MMP26: variants seen among roughly 807,000 people sequenced by gnomAD.
MMP26 encodes the protein matrix metalloproteinase-26.
MMP26 carries 33 observed loss-of-function variants against 31.0 expected under a neutral mutation model. The ratio of observed to expected loss-of-function variants is 1.06; its 90% CI spans 0.81 to 1.42. MMP26 has a LOEUF of 1.42. MMP26 is among the 40% of genes most tolerant of loss of function. The pLI, the probability that MMP26 is intolerant of heterozygous loss-of-function variation, is 0.00. For missense variants in MMP26, 347 were observed against 316.1 expected, an observed-to-expected ratio of 1.10 and a Z score of -0.74; for synonymous variants, 122 against 114.9, an observed-to-expected ratio of 1.06 and a Z score of -0.40.
intron 2 of MMP26, among the ~76,000 whole-genome samples, chr11:4,968,729 G>A (rs1201194604): frequency 6.6e-6 from 1 of 151,864 alleles, no homozygotes; most frequent in Non-Finnish European, 1.5e-5. Flanking sequence ...TCTTGCATCT[G>A]TATAATTTTG....
intron 2 of MMP26, among the ~76,000 whole-genome samples, chr11:4,927,160 C>T (rs1483377842): frequency 1.3e-5 from 2 of 152,166 alleles, no homozygotes; most frequent in African/African-American, 4.8e-5. Context: ...CTCTGACTCC[C>T]TCTGGCTCCT....
At chr11:4,784,245 GAC>G (rs1165881711) in intron 2 of MMP26, among the ~76,000 whole-genome samples, 1 of 152,182 alleles carries the variant, frequency 6.6e-6, no homozygotes, top group African/African-American at 2.4e-5. Flanking sequence ...GCTTTTCCAT[GAC>G]ACAGCTTGGT....
chr11:4,810,001 G>A (rs1404507305), intron 2 of MMP26, among the ~76,000 whole-genome samples: 1 of 152,132 alleles, frequency 6.6e-6, no homozygotes, highest in Non-Finnish European at 1.5e-5. Context: ...TATTTAAAGG[G>A]TTATGTCTGG....
intron 2 of MMP26, among the ~76,000 whole-genome samples, chr11:4,933,180 A>G (rs1370675883): frequency 1.3e-5 from 2 of 152,024 alleles, no homozygotes; most frequent in Admixed American, 6.6e-5. Flanking sequence ...AAAGGTGACA[A>G]TGTGTGTGTA....
At chr11:4,802,099 A>G (rs920777309) in intron 2 of MMP26, among the ~76,000 whole-genome samples, 1 of 152,216 alleles carries the variant, frequency 6.6e-6, no homozygotes, top group African/African-American at 2.4e-5. Flanking sequence ...GTTATAATGA[A>G]GTTAGTCATC....
At chr11:4,871,872 G>C (rs1850315329) in intron 2 of MMP26, 1 of 152,098 alleles carries the variant, frequency 6.6e-6, no homozygotes, top group Admixed American at 6.6e-5. Flanking sequence ...AGGTGGAGGA[G>C]ATTGCGTGTT....
Position 4,840,082 on chromosome 11 carries a change from G to T in MMP26, c.-145+72741G>T, listed in dbSNP as rs77181871. Among the ~76,000 whole-genome samples the T allele has an allele frequency of 3.4e-3, 521 of 152,204 alleles. 4 individuals carry two copies. The highest frequency in any genetic ancestry group is 1.0e-2 in the African/African-American group (414 of 41,556). ...AGTGGCAGGTGGCTACAGGATGAGG[G>T]TCCTTTGCCTTTGAAAAGTGGAGGG... On this transcript the variant is annotated intron_variant, in intron 2 of 7. Transcript: ENST00000380390.
chr11:4,838,409 G>GTAAAC (rs1343761042), intron 2 of MMP26, among the ~76,000 whole-genome samples: 1 of 127,920 alleles, frequency 7.8e-6, no homozygotes, highest in Non-Finnish European at 1.6e-5. Context: ...CAACAAACAT[G>GTAAAC]TAAACTTTTA....
At chr11:4,930,423 G>A (rs1034295006) in intron 2 of MMP26, among the ~76,000 whole-genome samples, 1 of 152,066 alleles carries the variant, frequency 6.6e-6, no homozygotes, top group African/African-American at 2.4e-5. Flanking sequence ...TAGTGTCAGT[G>A]CTTACCCCTT....
At chr11:4,801,480 AG>A (rs1026059338) in intron 2 of MMP26, among the ~76,000 whole-genome samples, 3 of 151,550 alleles carry the variant, frequency 2.0e-5, no homozygotes, top group African/African-American at 7.3e-5. Flanking sequence ...GAGAGAGAGA[AG>A]GGGGAGGGGG....
chr11:4,759,953 A>T (rs2133409682), intron 1 of MMP26, among the ~76,000 whole-genome samples: 1 of 152,306 alleles, frequency 6.6e-6, no homozygotes, highest in African/African-American at 2.4e-5. Context: ...TCTATTGCTA[A>T]AATTCATGGG....
At chr11:4,807,009 G>A (rs999830613) in intron 2 of MMP26, among the ~76,000 whole-genome samples, 24 of 152,032 alleles carry the variant, frequency 1.6e-4, no homozygotes, top group Admixed American at 3.9e-4. Flanking sequence ...ATTGCTGTAC[G>A]AGGCAATATA....
intron 2 of MMP26, among the ~76,000 whole-genome samples, chr11:4,962,745 T>C (rs1193405410): frequency 1.3e-5 from 2 of 152,190 alleles, no homozygotes. Context: ...ACATACATTG[T>C]TGGACTTTTT....
At chr11:4,795,843 G>GGAGAGAGAGA (rs142600384) in intron 2 of MMP26, among the ~76,000 whole-genome samples, 15 of 142,174 alleles carry the variant, frequency 1.1e-4, no homozygotes, top group Non-Finnish European at 1.7e-4. Flanking sequence ...AGAGAGAGAG[G>GGAGAGAGAGA]GAGAGAGAGA....
chr11:4,975,558 C>T (rs908080998), intron 2 of MMP26, among the ~76,000 whole-genome samples: 25 of 152,034 alleles, frequency 1.6e-4, no homozygotes, highest in Non-Finnish European at 2.8e-4. Context: ...CCTGCCAGGA[C>T]GGAGGTTCAA....
At chr11:4,963,283 C>T (rs1346130977) in intron 2 of MMP26, among the ~76,000 whole-genome samples, 1 of 152,106 alleles carries the variant, frequency 6.6e-6, no homozygotes, top group Non-Finnish European at 1.5e-5. Flanking sequence ...TAGGAAGAAC[C>T]AATATCATGA....
At position 4,975,436 on chromosome 11, in the gene MMP26, G is replaced by T. The variant is rs1846723655; in HGVS notation, c.-144-12632G>T. Among the ~76,000 whole-genome samples the T allele has an allele frequency of 2.0e-5, 3 of 152,178 alleles. No individual in the cohort carries two copies. In the South Asian group the frequency reaches 6.2e-4, roughly 31 times the overall value. On this transcript the variant is annotated intron_variant, in intron 2 of 7. Coordinates refer to ENST00000380390, the MANE Select transcript of MMP26 (RefSeq NM_021801.5). ...CTTGCTTCTGATATTAATCTGAAAAGAGTGAGATTAAGTCTTCAGTGGAAA... is the reference window on the plus strand; with the variant it reads ...CTTGCTTCTGATATTAATCTGAAAATAGTGAGATTAAGTCTTCAGTGGAAA...
intron 2 of MMP26, among the ~76,000 whole-genome samples, chr11:4,932,759 T>TA (rs1851368965): frequency 6.6e-6 from 1 of 152,018 alleles, no homozygotes; most frequent in Admixed American, 6.6e-5. Context: ...TCAAGAAACC[T>TA]AATTCTCTTT....
intron 2 of MMP26, among the ~76,000 whole-genome samples, chr11:4,893,662 T>C (rs1042008730): frequency 6.6e-6 from 1 of 152,230 alleles, no homozygotes; most frequent in East Asian, 1.9e-4. Flanking sequence ...TATTGTTTTG[T>C]GTGCCTCTGC....
Sources: gnomAD v4.1 joint callset for allele counts (sites outside exome capture counted in the v4.1 genomes callset) on GRCh38, gnomAD v4.1.1 for gene constraint, MANE v1.5 for transcripts, NCBI Gene and HGNC (gene_info 2026-07-23, HGNC 2026-07-21) for gene names.